The following HDAC8 variants were observed in gnomAD, a reference collection of about 807,000 sequenced individuals.
HDAC8 encodes the protein histone deacetylase-like 1.
In HDAC8, 1 loss-of-function variant was observed where a neutral mutation model predicts 32.2. The ratio of observed to expected loss-of-function variants is 0.03; its 90% CI spans 0.01 to 0.15. HDAC8 has a LOEUF of 0.15. HDAC8 is among the 10% of genes least tolerant of loss of function. The probability of loss-of-function intolerance (pLI) is 1.00; values close to 1 mark genes in which losing one functional copy is unlikely to be tolerated. For synonymous variants in HDAC8, 108 were observed against 113.9 expected, an observed-to-expected ratio of 0.95 and a Z score of 0.33; for missense variants, 117 against 300.0, an observed-to-expected ratio of 0.39 and a Z score of 4.51.
At chrX:72,397,286 T>C (rs1381538645) in intron 9 of HDAC8, among the ~76,000 whole-genome samples, 1 of 111,747 alleles carries the variant, frequency 8.9e-6, no homozygotes, top group Non-Finnish European at 1.9e-5. Flanking sequence ...TCACACTGTA[T>C]ACTTGAAAAT....
chrX:72,334,490 C>T (rs944184352), intron 10 of HDAC8, among the ~76,000 whole-genome samples: 10 of 111,482 alleles, frequency 9.0e-5, no homozygotes, highest in African/African-American at 3.3e-4. Context: ...AGGAAGGTAC[C>T]TGCTGGCAAA....
intron 10 of HDAC8, among the ~76,000 whole-genome samples, chrX:72,333,192 G>A (rs1370414536): frequency 9.0e-6 from 1 of 110,640 alleles, no homozygotes; most frequent in Non-Finnish European, 1.9e-5. Flanking sequence ...CTTAGTTCAC[G>A]CCTTCTCCAC....
chrX:72,488,549 A>G (rs2048756612), intron 7 of HDAC8, among the ~76,000 whole-genome samples: 1 of 112,262 alleles, frequency 8.9e-6, no homozygotes, highest in African/African-American at 3.2e-5. Context: ...ACACCAGTAG[A>G]AGAAAGCACA....
intron 9 of HDAC8, among the ~76,000 whole-genome samples, chrX:72,456,966 T>C (rs2047737761): frequency 9.0e-6 from 1 of 110,509 alleles, no homozygotes; most frequent in Non-Finnish European, 1.9e-5. Flanking sequence ...AAAAAAACCT[T>C]GACCAAGTTT....
At position 72,431,530 on chromosome X, in the gene HDAC8, T is replaced by C. The variant is rs368045969; in HGVS notation, c.1005+30474A>G. On this transcript the variant is annotated intron_variant, in intron 9 of 10. Coordinates refer to ENST00000373573, the MANE Select transcript of HDAC8 (RefSeq NM_018486.3). ...CATTCTTGTACATCCTTCTTTTTTT[T>C]TTCACTTGATTGTGATTTTTTTTCT... Among the ~76,000 whole-genome samples the C allele has an allele frequency of 2.7e-5, 3 of 111,567 alleles. No homozygotes were observed. In the East Asian group the frequency reaches 8.4e-4, roughly 31 times the overall value.
intron 4 of HDAC8, among the ~76,000 whole-genome samples, chrX:72,555,082 C>T (rs933902240): frequency 1.8e-5 from 2 of 112,360 alleles, no homozygotes; most frequent in African/African-American, 3.2e-5. Flanking sequence ...GCACTCTTTA[C>T]AGACACTCCC....
intron 7 of HDAC8, chrX:72,473,953 T>C: frequency 1.4e-6 from 1 of 695,575 alleles, no homozygotes; most frequent in Non-Finnish European, 1.7e-6. Flanking sequence ...CCATGCACTT[T>C]ACAGTCCAGC....
chrX:72,503,365 G>C, intron 4 of HDAC8, among the ~76,000 whole-genome samples: 1 of 112,367 alleles, frequency 8.9e-6, no homozygotes, highest in Non-Finnish European at 1.9e-5. Context: ...TAATAAGATA[G>C]TGCTAACCCA....
chrX:72,496,220 C>G (rs1451138516), intron 4 of HDAC8, among the ~76,000 whole-genome samples: 1 of 111,273 alleles, frequency 9.0e-6, no homozygotes, highest in African/African-American at 3.3e-5. Flanking sequence ...TACTATGAGA[C>G]TGTAAAGCTC....
intron 9 of HDAC8, among the ~76,000 whole-genome samples, chrX:72,453,464 TAAAGAAAGAAAGAAAGAAAG>T (rs61443640): frequency 1.2e-4 from 8 of 67,254 alleles, no homozygotes; most frequent in South Asian, 1.8e-3. Flanking sequence ...CTCTTAAAAA[TAAAGAAAGAAAGAAAGAAAG>T]AAAGAAAGAA....
chrX:72,528,418 G>A (rs917372332), intron 4 of HDAC8, among the ~76,000 whole-genome samples: 2 of 112,356 alleles, frequency 1.8e-5, no homozygotes, highest in Middle Eastern at 4.2e-3. Flanking sequence ...GGTAGGAAGA[G>A]CAGTGGCATT....
chrX:72,374,158 G>A (rs1420194751), intron 9 of HDAC8, among the ~76,000 whole-genome samples: 1 of 111,243 alleles, frequency 9.0e-6, no homozygotes, highest in Non-Finnish European at 1.9e-5. Context: ...AATCCTCCCC[G>A]CCTCAGCCTC....
intron 9 of HDAC8, among the ~76,000 whole-genome samples, chrX:72,419,539 A>T (rs1409608364): frequency 1.8e-5 from 2 of 111,747 alleles, no homozygotes; most frequent in Non-Finnish European, 3.8e-5. Flanking sequence ...ACATATCAAG[A>T]AAACGAAAAG....
intron 9 of HDAC8, among the ~76,000 whole-genome samples, chrX:72,407,438 T>A (rs2046074530): frequency 8.9e-6 from 1 of 112,144 alleles, no homozygotes; most frequent in African/African-American, 3.2e-5. Context: ...CCCCTTTTTT[T>A]CCCTTTTGCC....
At chrX:72,552,824 T>TAC (rs1556077389) in intron 4 of HDAC8, among the ~76,000 whole-genome samples, 2 of 88,831 alleles carry the variant, frequency 2.3e-5, no homozygotes. Context: ...TACGTATATA[T>TAC]ACATATATAT....
intron 4 of HDAC8, among the ~76,000 whole-genome samples, chrX:72,502,693 C>T (rs940178716): frequency 2.7e-5 from 3 of 110,396 alleles, no homozygotes; most frequent in Admixed American, 9.6e-5. Context: ...GAGGCTGAGG[C>T]GGGCGGATCA....
At chrX:72,567,810 T>C in intron 4 of HDAC8, 79 bp downstream of exon 4, 2 of 1,210,697 alleles carry the variant, frequency 1.7e-6, no homozygotes, top group East Asian at 3.0e-5. Flanking sequence ...TAAATGTCAA[T>C]ACAATAAGCA....
At chrX:72,553,640 G>T (rs937827333) in intron 4 of HDAC8, among the ~76,000 whole-genome samples, 9 of 111,633 alleles carry the variant, frequency 8.1e-5, no homozygotes, top group African/African-American at 1.6e-4. Flanking sequence ...GTGGGTGATT[G>T]GTTCCAGGAC....
intron 9 of HDAC8, among the ~76,000 whole-genome samples, chrX:72,422,774 G>C (rs1180858689): frequency 9.0e-6 from 1 of 111,285 alleles, no homozygotes; most frequent in African/African-American, 3.3e-5. Context: ...GCTTGGGTGA[G>C]TTCTGAGTTA....
Sources: allele counts gnomAD v4.1 joint callset (sites outside exome capture counted in the v4.1 genomes callset), GRCh38; gene constraint gnomAD v4.1.1; transcripts MANE v1.5; gene names NCBI Gene and HGNC (gene_info 2026-07-23, HGNC 2026-07-21).